Variants in THADA observed in about 807,000 individuals in gnomAD.
THADA encodes THADA armadillo repeat containing.
A neutral mutation model predicts 219.8 loss-of-function variants in THADA; 213 were observed. The observed-to-expected ratio is 0.97, with a 90% CI of 0.87 to 1.09. The LOEUF (loss-of-function observed/expected upper bound fraction) is 1.09. THADA is among the 50% of genes least tolerant of loss of function. The pLI, the probability that THADA is intolerant of heterozygous loss-of-function variation, is 0.00. For missense variants in THADA, 2,956 were observed against 2,311.3 expected (o/e 1.28, Z -5.72); for synonymous variants, 1,018 against 828.9 (o/e 1.23, Z -3.92).
At chr2:43,316,086 C>G (rs1573034372) in intron 31 of THADA, among the ~76,000 whole-genome samples, 1 of 152,190 alleles carries the variant, frequency 6.6e-6, no homozygotes, top group South Asian at 2.1e-4. Flanking sequence ...TGTGCCCTTA[C>G]AGCTTTGGCC....
intron 28 of THADA, among the ~76,000 whole-genome samples, chr2:43,409,190 T>C (rs1025146184): frequency 1.3e-5 from 2 of 152,240 alleles, no homozygotes; most frequent in African/African-American, 4.8e-5. Context: ...TTCTTTTAAT[T>C]TGATTACTTT....
intron 31 of THADA, among the ~76,000 whole-genome samples, chr2:43,293,608 G>C (rs1279023296): frequency 2.0e-5 from 3 of 152,098 alleles, no homozygotes; most frequent in African/African-American, 7.2e-5. Flanking sequence ...AGAAGCTCTT[G>C]GTTGAACCCT....
At chr2:43,432,204 A>C (rs1435428287) in intron 26 of THADA, among the ~76,000 whole-genome samples, 1 of 151,756 alleles carries the variant, frequency 6.6e-6, no homozygotes, top group East Asian at 1.9e-4. Context: ...GTTAGCCAGG[A>C]TGGTCTCGAT....
At chr2:43,534,229 T>G (rs974699205) in intron 21 of THADA, among the ~76,000 whole-genome samples, 4 of 152,178 alleles carry the variant, frequency 2.6e-5, no homozygotes, top group African/African-American at 9.6e-5. Context: ...ATTTATGGGG[T>G]ACACAGTAAT....
intron 36 of THADA, among the ~76,000 whole-genome samples, chr2:43,271,431 C>G (rs111269110): frequency 1.1e-4 from 17 of 152,270 alleles, no homozygotes; most frequent in African/African-American, 4.1e-4. Flanking sequence ...ACAGCTCCCC[C>G]ACCAGGTAGA....
intron 22 of THADA, among the ~76,000 whole-genome samples, chr2:43,519,442 T>C (rs539075815): frequency 1.2e-4 from 19 of 152,260 alleles, no homozygotes; most frequent in African/African-American, 4.1e-4. Context: ...TCAATGAACA[T>C]TCCCTGGGTT....
At chr2:43,380,255 T>G (rs1342168842) in intron 29 of THADA, among the ~76,000 whole-genome samples, 1 of 152,222 alleles carries the variant, frequency 6.6e-6, no homozygotes, top group Non-Finnish European at 1.5e-5. Context: ...CAGATAACTT[T>G]GGAAAATGAT....
chr2:43,402,545 T>G (rs561562027), intron 28 of THADA, among the ~76,000 whole-genome samples: 1 of 152,158 alleles, frequency 6.6e-6, no homozygotes, highest in South Asian at 2.1e-4. Flanking sequence ...ACTCTCACAA[T>G]CTGTTCTTTT....
chr2:43,472,240 G>T (rs1684986646), intron 26 of THADA, among the ~76,000 whole-genome samples: 1 of 152,150 alleles, frequency 6.6e-6, no homozygotes, highest in African/African-American at 2.4e-5. Context: ...TTAAAAACAG[G>T]CAAGTATTTA....
intron 36 of THADA, among the ~76,000 whole-genome samples, chr2:43,237,305 G>C (rs1261801547): frequency 6.6e-6 from 1 of 151,694 alleles, no homozygotes; most frequent in African/African-American, 2.4e-5. Context: ...ACCTGCGAAA[G>C]AATGACGTTG....
chr2:43,322,671 A>ATTT (rs1558578392), intron 30 of THADA, among the ~76,000 whole-genome samples: 5 of 79,884 alleles, frequency 6.3e-5, no homozygotes, highest in African/African-American at 1.5e-4. Context: ...AGCACATTCT[A>ATTT]TTCTTTTTTT....
At chr2:43,246,268 G>C (rs1669133756) in intron 36 of THADA, among the ~76,000 whole-genome samples, 1 of 152,196 alleles carries the variant, frequency 6.6e-6, no homozygotes, top group Non-Finnish European at 1.5e-5. Flanking sequence ...GCTGAGGCAG[G>C]CGGATCACTT....
chr2:43,516,238 T>C (rs941488514), intron 22 of THADA, among the ~76,000 whole-genome samples: 2 of 152,126 alleles, frequency 1.3e-5, no homozygotes, highest in African/African-American at 4.8e-5. Flanking sequence ...GAGTAATCCT[T>C]TTAAAAGATG....
At chr2:43,240,275 G>A (rs1668482453) in intron 36 of THADA, among the ~76,000 whole-genome samples, 1 of 152,196 alleles carries the variant, frequency 6.6e-6, no homozygotes, top group African/African-American at 2.4e-5. Context: ...GGGCAGCAAA[G>A]GCAGCGTCTG....
intron 8 of THADA, 32 bp downstream of exon 8, chr2:43,581,709 T>C (rs773958342): frequency 6.4e-6 from 10 of 1,574,054 alleles, no homozygotes; most frequent in East Asian, 2.2e-5. Flanking sequence ...CTGTCAATTA[T>C]ATATCATTTG....
intron 28 of THADA, among the ~76,000 whole-genome samples, chr2:43,410,907 T>C (rs980856868): frequency 1.3e-5 from 2 of 152,220 alleles, no homozygotes; most frequent in African/African-American, 2.4e-5. Context: ...ATCTTTCATA[T>C]ACATTAGAAA....
chr2:43,507,792 G>C (rs1458504190), intron 23 of THADA, among the ~76,000 whole-genome samples: 4 of 152,062 alleles, frequency 2.6e-5, no homozygotes. Context: ...ATTTAGTATT[G>C]TGAAGACACT....
Position 43,592,387 on chromosome 2 carries a change from AC to A in THADA, c.5del (p.Gly2ValfsTer2). 6.3e-7 allele frequency: 1 copy of A among 1,597,950 alleles called. No individual in the cohort carries two copies. Among genetic ancestry groups the A allele is most frequent in the Non-Finnish European group, 8.5e-7 (1 of 1,171,280 alleles). The part of the protein sequence containing the change: M[G>X]VKKKKEMQVA... ...CTTGCATTTCTTTCTTCTTCTTTACACCCATTTTAAATAGAATTAATAGTAG... is the reference window on the plus strand; with the variant it reads ...CTTGCATTTCTTTCTTCTTCTTTACACCATTTTAAATAGAATTAATAGTAG... On this transcript the variant is annotated frameshift_variant, in exon 2 of 38. Transcript: ENST00000405975. LOFTEE classifies it high-confidence loss of function.
chr2:43,458,333 G>A (rs1573750236), intron 26 of THADA, among the ~76,000 whole-genome samples: 1 of 152,126 alleles, frequency 6.6e-6, no homozygotes, highest in African/African-American at 2.4e-5. Flanking sequence ...AGGGGTGAAG[G>A]TGCCATATAC....
Sources: gnomAD v4.1 joint callset for allele counts (sites outside exome capture counted in the v4.1 genomes callset) on GRCh38, gnomAD v4.1.1 for gene constraint, MANE v1.5 for transcripts, NCBI Gene and HGNC (gene_info 2026-07-23, HGNC 2026-07-21) for gene names.